The following EIF4G3 variants were observed in gnomAD, a reference collection of about 807,000 sequenced individuals.
EIF4G3 encodes the protein eukaryotic translation initiation factor 4 gamma 3, also known as eIF-4-gamma 3.
Under a neutral mutation model 186.4 loss-of-function variants are expected in EIF4G3, and 34 were observed. The observed-to-expected ratio is 0.18, with a 90% confidence interval of 0.14 to 0.24. The LOEUF (loss-of-function observed/expected upper bound fraction) is 0.24. EIF4G3 is among the 10% of genes least tolerant of loss of function. The probability of loss-of-function intolerance (pLI) is 1.00; values close to 1 mark genes in which losing one functional copy is unlikely to be tolerated. For synonymous variants in EIF4G3, 673 were observed against 679.5 expected (o/e 0.99, Z 0.15); for missense variants, 1,536 against 1,948.5 (o/e 0.79, Z 3.99).
rs1476351721 is a variant in EIF4G3, at chr1:21,121,802, A to T, written c.-271-32589T>A. Among the ~76,000 whole-genome samples the T allele has an allele frequency of 1.3e-5, 2 of 151,970 alleles. 1 individual carries two copies. The highest frequency in any genetic ancestry group is 4.8e-5 in the African/African-American group (2 of 41,364). On this transcript the variant is annotated intron_variant, in intron 2 of 36. Transcript: ENST00000602326. ...AAAAAAAAAAAAAACTAATCCATCAATCTACAAAAATGGGAGAGGAAACCT... is the reference window on the plus strand; with the variant it reads ...AAAAAAAAAAAAAACTAATCCATCATTCTACAAAAATGGGAGAGGAAACCT...
chr1:21,154,340 A>G (rs534294258), intron 2 of EIF4G3, among the ~76,000 whole-genome samples: 9 of 152,364 alleles, frequency 5.9e-5, no homozygotes, highest in African/African-American at 2.2e-4. Flanking sequence ...GCTATTAACT[A>G]AAGTACAGAG....
intron 2 of EIF4G3, among the ~76,000 whole-genome samples, chr1:21,153,877 A>G (rs976078897): frequency 2.0e-5 from 3 of 151,848 alleles, no homozygotes; most frequent in Non-Finnish European, 2.9e-5. Flanking sequence ...GAAGCATTTC[A>G]TTATACTTCA....
chr1:21,126,366 T>C (rs2097044939), intron 2 of EIF4G3, among the ~76,000 whole-genome samples: 1 of 152,076 alleles, frequency 6.6e-6, no homozygotes, highest in Non-Finnish European at 1.5e-5. Context: ...TATTGATTCT[T>C]AAGCTTAAGA....
At chr1:20,819,942 A>G (rs564007946) in intron 33 of EIF4G3, among the ~76,000 whole-genome samples, 4 of 152,062 alleles carry the variant, frequency 2.6e-5, no homozygotes, top group Non-Finnish European at 5.9e-5. Flanking sequence ...GACAGAAAGA[A>G]AGAGAGAGAG....
intron 3 of EIF4G3, among the ~76,000 whole-genome samples, chr1:21,074,454 G>A (rs977047826): frequency 2.6e-5 from 4 of 152,056 alleles, no homozygotes; most frequent in East Asian, 1.9e-4. Flanking sequence ...CTATCATCTC[G>A]TATTTAAATT....
In EIF4G3 at chr1:20,937,932, C is replaced by T. The variant is rs546007102; in HGVS notation, c.1663+3559G>A. Reference sequence around the variant, plus strand: ...AATAACTGAGGCTTTTCAGAGTACACTGAAGATATATACACACCAAATTCT... The same window carrying T: ...AATAACTGAGGCTTTTCAGAGTACATTGAAGATATATACACACCAAATTCT... On this transcript the variant is annotated intron_variant, in intron 14 of 36. Coordinates refer to ENST00000602326, the MANE Select transcript of EIF4G3 (RefSeq NM_001391906.1). Among the ~76,000 whole-genome samples the T allele has an allele frequency of 3.2e-4, 48 of 152,118 alleles. 1 individual carries two copies. The South Asian group carries it at 8.5e-3, about 27-fold the overall frequency.
chr1:21,014,323 TA>T (rs1021497536), intron 4 of EIF4G3, among the ~76,000 whole-genome samples: 3 of 152,352 alleles, frequency 2.0e-5, no homozygotes, highest in South Asian at 4.1e-4. Context: ...TATTTCTTTT[TA>T]ACTCTTATTT....
intron 3 of EIF4G3, among the ~76,000 whole-genome samples, chr1:21,053,442 A>T (rs542764679): frequency 1.4e-5 from 2 of 144,006 alleles, no homozygotes; most frequent in South Asian, 4.5e-4. Context: ...CCCCCCGGCC[A>T]GCCGCCCCGT....
rs1166878044 is a variant in EIF4G3, at chr1:21,052,755, A to AT, written c.-195-1762dup. Among the ~76,000 whole-genome samples the AT allele has an allele frequency of 2.0e-5, 3 of 152,132 alleles. No homozygotes were observed. The East Asian group carries it at 5.8e-4, about 30-fold the overall frequency. The stretch of plus-strand genomic sequence containing the variant: ...GCCGCCACGCCTGACTGGTTCTCGT[A>AT]TTTTTTTGGTGGAGACGGGGTTTCG... On this transcript the variant is annotated intron_variant, in intron 3 of 36. Transcript: ENST00000602326.
intron 14 of EIF4G3, among the ~76,000 whole-genome samples, chr1:20,930,543 G>A (rs2095258504): frequency 6.6e-6 from 1 of 152,088 alleles, no homozygotes; most frequent in South Asian, 2.1e-4. Context: ...CAGTAACTGA[G>A]TCACATTTTC....
At position 20,941,495 on chromosome 1, in the gene EIF4G3, G is replaced by T; in HGVS notation, c.1659C>A (p.Val553=). 1 of 1,608,944 alleles carries T rather than the reference G, an allele frequency of 6.2e-7. No homozygotes were observed. Among genetic ancestry groups the T allele is most frequent in the Admixed American group, 1.7e-5 (1 of 59,410 alleles). Residue 553 remains valine (V), a synonymous_variant, in exon 14 of 37, where the codon GTC becomes GTA. Coordinates refer to ENST00000602326, the MANE Select transcript of EIF4G3 (RefSeq NM_001391906.1). ...ATTAATGGCAGAATGGCTTACCTGG[G>T]ACAGGGCTCCTTCTTGAATTTAAGT... ...SQNLNSRRSP[V]PAQIAITVPK... is the part of the protein sequence containing the mutation.
chr1:21,169,449 C>T (rs184820892), intron 2 of EIF4G3, among the ~76,000 whole-genome samples: 79 of 151,646 alleles, frequency 5.2e-4, no homozygotes, highest in Non-Finnish European at 7.8e-4. Context: ...CTCTCTCCCC[C>T]CAAAAAAATA....
intron 14 of EIF4G3, among the ~76,000 whole-genome samples, chr1:20,922,093 C>T (rs1456925673): frequency 2.0e-5 from 3 of 152,182 alleles, no homozygotes. Flanking sequence ...GGCCTATATT[C>T]GTATCAGTCT....
chr1:20,987,415 T>A (rs1020470603), intron 7 of EIF4G3, among the ~76,000 whole-genome samples: 5 of 152,258 alleles, frequency 3.3e-5, no homozygotes, highest in African/African-American at 1.2e-4. Context: ...AGATATTGCA[T>A]TCTTTACAAA....
At chr1:21,124,279 C>G (rs966659701) in intron 2 of EIF4G3, among the ~76,000 whole-genome samples, 1 of 135,326 alleles carries the variant, frequency 7.4e-6, no homozygotes, top group African/African-American at 2.7e-5. Flanking sequence ...GAGCGAGACT[C>G]GGTCTCAAAG....
At chr1:20,952,793 T>C (rs1188576882) in intron 12 of EIF4G3, among the ~76,000 whole-genome samples, 1 of 152,154 alleles carries the variant, frequency 6.6e-6, no homozygotes, top group African/African-American at 2.4e-5. Flanking sequence ...GAGGTTGCAG[T>C]GAGCCGAGGT....
At chr1:20,952,909 T>A (rs2096278823) in intron 12 of EIF4G3, among the ~76,000 whole-genome samples, 1 of 152,120 alleles carries the variant, frequency 6.6e-6, no homozygotes, top group Non-Finnish European at 1.5e-5. Context: ...GAGTTCCTTA[T>A]CTTCCCAAAG....
rs1251040065 is a variant in EIF4G3, at chr1:21,098,555, AAAAAAAAAG to A, written c.-271-9351_-271-9343del. 1.1e-4 allele frequency among the ~76,000 whole-genome samples: 16 copies of A among 149,216 alleles called. No individual in the cohort carries two copies. In the East Asian group the frequency reaches 2.3e-3, roughly 22 times the overall value. On this transcript the variant is annotated intron_variant, in intron 2 of 36. Transcript: ENST00000602326. ...GCCCTGTCTCGAAAAAAAAAAAAAAAAAAAAAAAGAAGAAGAAGAAGAAGAAGAAAGAAA... is the reference window on the plus strand; with the variant it reads ...GCCCTGTCTCGAAAAAAAAAAAAAAAAAGAAGAAGAAGAAGAAGAAAGAAA...
rs2077849382 is a variant in EIF4G3 at position 20,981,030 on chromosome 1, G to A, written c.378+18C>T. The A allele has an allele frequency of 1.3e-6, 2 of 1,509,464 alleles. No homozygotes were observed. The highest frequency in any genetic ancestry group is 1.8e-6 in the Non-Finnish European group (2 of 1,119,398). The allele number at this position is 1,509,464 out of a possible 1,614,324, so 93.5% of individuals were successfully genotyped here. A position where few individuals can be genotyped will look rare whatever the true frequency, so the allele number is the denominator to read the frequency against. On this transcript the variant is annotated intron_variant, in intron 9 of 36. Transcript: ENST00000602326. ...TCCACTCTATTGCTGGACCACCTAG[G>A]CCTCAAAGATACTTTACCTGTGGTA...
Sources: gnomAD v4.1 joint callset for allele counts (sites outside exome capture counted in the v4.1 genomes callset) on GRCh38, gnomAD v4.1.1 for gene constraint, MANE v1.5 for transcripts, NCBI Gene and HGNC (gene_info 2026-07-23, HGNC 2026-07-21) for gene names.